KITLG: variants seen among roughly 807,000 people sequenced by gnomAD.
The protein encoded by KITLG is c-Kit ligand.
In KITLG, 13 loss-of-function variants were observed where a neutral mutation model predicts 34.1. That is an observed-to-expected ratio of 0.38 (90% CI 0.25 to 0.61). The LOEUF is 0.61. KITLG is among the 20% of genes least tolerant of loss of function. The pLI is 0.60. For synonymous variants in KITLG, 110 were observed against 104.0 expected (o/e 1.06, Z -0.35); for missense variants, 292 against 318.9 (o/e 0.92, Z 0.64).
chr12:88,536,776 T>C (rs1870334562), intron 2 of KITLG, among the ~76,000 whole-genome samples: 1 of 151,182 alleles, frequency 6.6e-6, no homozygotes, highest in African/African-American at 2.4e-5. Flanking sequence ...TAAGTGGGAG[T>C]TGAACAATGA....
intron 1 of KITLG, among the ~76,000 whole-genome samples, chr12:88,548,997 CA>C (rs992822443): frequency 2.0e-5 from 3 of 152,126 alleles, no homozygotes; most frequent in East Asian, 3.9e-4. Context: ...ATTAAGAAGA[CA>C]AAATTTCACC....
chr12:88,531,959 T>C (rs1870109532), intron 3 of KITLG, among the ~76,000 whole-genome samples: 1 of 152,136 alleles, frequency 6.6e-6, no homozygotes, highest in South Asian at 2.1e-4. Context: ...AATTTAGAAA[T>C]AATTTAATTT....
rs554800578 is a variant in KITLG, at chr12:88,580,422, C to T, written c.-144G>A. On this transcript the variant is annotated 5_prime_UTR_variant, in exon 1 of 10. Coordinates refer to ENST00000644744, the MANE Select transcript of KITLG (RefSeq NM_000899.5). ...CCGAGCGCAGCGCCCTCTCCACTGTCCCTGCTTCCCGCAGCGCTTCTAGTC... is the reference window on the plus strand; with the variant it reads ...CCGAGCGCAGCGCCCTCTCCACTGTTCCTGCTTCCCGCAGCGCTTCTAGTC... The T allele has an allele frequency of 1.0e-6, 1 of 953,330 alleles. No homozygotes were observed. Among genetic ancestry groups the T allele is most frequent in the African/African-American group, 1.6e-5 (1 of 61,158 alleles). The allele number at this position is 953,330 out of a possible 1,614,324, so 59.1% of individuals were successfully genotyped here.
At chr12:88,526,745 C>G (rs558086828) in intron 3 of KITLG, among the ~76,000 whole-genome samples, 1 of 152,018 alleles carries the variant, frequency 6.6e-6, no homozygotes, top group African/African-American at 2.4e-5. Context: ...ACAAAAGAAC[C>G]AATCAGGATT....
chr12:88,514,025 T>C (rs1245394956), intron 6 of KITLG, among the ~76,000 whole-genome samples: 1 of 151,592 alleles, frequency 6.6e-6, no homozygotes, highest in Non-Finnish European at 1.5e-5. Flanking sequence ...CATAGACTAG[T>C]AACAATAAGA....
At chr12:88,568,675 T>C (rs1871537534) in intron 1 of KITLG, among the ~76,000 whole-genome samples, 1 of 152,166 alleles carries the variant, frequency 6.6e-6, no homozygotes, top group African/African-American at 2.4e-5. Context: ...CTTTGAGAAA[T>C]ATAATTTACT....
intron 1 of KITLG, among the ~76,000 whole-genome samples, chr12:88,566,706 G>A (rs1335794246): frequency 1.3e-5 from 2 of 152,154 alleles, no homozygotes; most frequent in Non-Finnish European, 2.9e-5. Context: ...AACCACAGAG[G>A]ACCTTGTATA....
intron 1 of KITLG, among the ~76,000 whole-genome samples, chr12:88,568,280 CATTTATTTATTTATTT>C (rs59218602): frequency 0.75 from 110,264 of 147,022 alleles, 46,037 homozygotes; most frequent in Middle Eastern, 0.93. Context: ...CATATTATCT[CATTTATTTATTTATTT>C]ATTTATTTAT....
chr12:88,522,426 CTTTTT>C (rs3060347), intron 3 of KITLG, among the ~76,000 whole-genome samples: 2 of 105,768 alleles, frequency 1.9e-5, no homozygotes, highest in African/African-American at 3.6e-5. Flanking sequence ...GATGCACAGT[CTTTTT>C]TTTTTTTTTT....
At chr12:88,508,606 A>G (rs887831851) in intron 6 of KITLG, among the ~76,000 whole-genome samples, 1 of 151,126 alleles carries the variant, frequency 6.6e-6, no homozygotes, top group African/African-American at 2.4e-5. Flanking sequence ...ACAGTGAGGG[A>G]TGAACAATAA....
At position 88,528,037 on chromosome 12, in the gene KITLG, T is replaced by C. The variant is rs374779674; in HGVS notation, c.192+4404A>G. Among the ~76,000 whole-genome samples, 4 of 152,316 alleles carry C rather than the reference T, an allele frequency of 2.6e-5. No homozygotes were observed. The East Asian group carries it at 5.8e-4, about 22-fold the overall frequency. ...GGTGGCTTAAAGCAGCACAAATTTG[T>C]TATTTTACAGTTCTGGAGGTCAGAA... is the stretch of plus-strand genomic sequence containing the variant. On this transcript the variant is annotated intron_variant, in intron 3 of 9. Coordinates refer to ENST00000644744, the MANE Select transcript of KITLG (RefSeq NM_000899.5).
intron 1 of KITLG, among the ~76,000 whole-genome samples, chr12:88,554,235 A>G (rs190562221): frequency 6.6e-6 from 1 of 152,346 alleles, no homozygotes; most frequent in Non-Finnish European, 1.5e-5. Context: ...AGAAACCAGA[A>G]GATACCAATC....
chr12:88,565,694 C>G (rs1871422084), intron 1 of KITLG, among the ~76,000 whole-genome samples: 1 of 152,100 alleles, frequency 6.6e-6, no homozygotes, highest in Admixed American at 6.5e-5. Context: ...TAATACTAAG[C>G]AAGAAATTAG....
chr12:88,500,893 C>T (rs1371276622), intron 9 of KITLG, among the ~76,000 whole-genome samples: 2 of 152,146 alleles, frequency 1.3e-5, no homozygotes, highest in African/African-American at 2.4e-5. Context: ...AATCCTCCTG[C>T]CTCAGCCTCC....
At chr12:88,541,314 T>C (rs1386721388) in intron 2 of KITLG, among the ~76,000 whole-genome samples, 1 of 152,072 alleles carries the variant, frequency 6.6e-6, no homozygotes. Flanking sequence ...AAAGACAGAG[T>C]AATTTCACCT....
In KITLG at chr12:88,580,260, T is replaced by C; in HGVS notation, c.15+4A>G. 1 of 1,609,512 alleles carries C rather than the reference T, an allele frequency of 6.2e-7. No homozygotes were observed. The highest frequency in any genetic ancestry group is 8.5e-7 in the Non-Finnish European group (1 of 1,178,054). Reference sequence around the variant, plus strand: ...CTGGGAGCTCCCGGGCGCGCCCTACTCACTTGTGTCTTCTTCATAAGGAAA... The same window carrying C: ...CTGGGAGCTCCCGGGCGCGCCCTACCCACTTGTGTCTTCTTCATAAGGAAA... On this transcript the variant is annotated splice_donor_region_variant and intron_variant, in intron 1 of 9. Coordinates refer to ENST00000644744, the MANE Select transcript of KITLG (RefSeq NM_000899.5).
chr12:88,522,710 G>A (rs1268821376), intron 3 of KITLG, among the ~76,000 whole-genome samples: 1 of 152,080 alleles, frequency 6.6e-6, no homozygotes, highest in Admixed American at 6.6e-5. Context: ...TTACAGGAGT[G>A]AGCCACCGCG....
chr12:88,548,755 G>T (rs3782177), intron 1 of KITLG, among the ~76,000 whole-genome samples: 1 of 152,164 alleles, frequency 6.6e-6, no homozygotes, highest in Non-Finnish European at 1.5e-5. Context: ...GCACACATCA[G>T]TGCCTGCTAC....
At position 88,495,096 on chromosome 12, in the gene KITLG, T is replaced by G. The variant is rs1868577167; in HGVS notation, c.*2123A>C. 6.6e-6 allele frequency: 1 copy of G among 152,032 alleles called. No homozygotes were observed. The highest frequency in any genetic ancestry group is 1.5e-5 in the Non-Finnish European group (1 of 67,936). 9.4% of individuals were successfully genotyped at this position (152,032 alleles called of 1,614,324 possible). On this transcript the variant is annotated 3_prime_UTR_variant, in exon 10 of 10. Transcript: ENST00000644744. ...CCCTCTCCTACCATGTCAGATTTAA[T>G]AACTTGCTGAATTTGTTTATTTAAC... is the stretch of plus-strand genomic sequence containing the variant.
Sources: allele counts gnomAD v4.1 joint callset (sites outside exome capture counted in the v4.1 genomes callset), GRCh38; gene constraint gnomAD v4.1.1; transcripts MANE v1.5; gene names NCBI Gene and HGNC (gene_info 2026-07-23, HGNC 2026-07-21).